SND1: variants seen among roughly 807,000 people sequenced by gnomAD.
SND1 encodes the protein staphylococcal nuclease domain-containing protein 1.
SND1 carries 38 observed loss-of-function variants against 121.7 expected under a neutral mutation model. The observed-to-expected ratio is 0.31, with a 90% CI of 0.24 to 0.41. The LOEUF (loss-of-function observed/expected upper bound fraction) is 0.41, where lower values mean the gene tolerates loss of function less well. SND1 is among the 10% of genes least tolerant of loss of function. The pLI is 1.00. For synonymous variants in SND1, 401 were observed against 447.4 expected (o/e 0.90, Z 1.31); for missense variants, 868 against 1,184.6 (o/e 0.73, Z 3.92).
intron 1 of SND1, among the ~76,000 whole-genome samples, chr7:127,663,075 C>T (rs1035217893): frequency 9.9e-5 from 15 of 151,320 alleles, no homozygotes; most frequent in African/African-American, 2.4e-4. Context: ...TTTGTGGAGA[C>T]GGGGTCTCCC....
At chr7:128,082,825 C>T (rs189219780) in intron 18 of SND1, among the ~76,000 whole-genome samples, 393 of 152,304 alleles carry the variant, frequency 2.6e-3, no homozygotes, top group Non-Finnish European at 4.3e-3. Context: ...CACTCCCAGG[C>T]AGGCTCTACT....
intron 13 of SND1, among the ~76,000 whole-genome samples, chr7:127,894,398 G>A (rs1410240084): frequency 2.7e-5 from 4 of 149,734 alleles, no homozygotes; most frequent in Admixed American, 6.6e-5. Context: ...AAAAAAAAAA[G>A]AAGAAAGAAA....
At chr7:127,795,294 C>T (rs1797994700) in intron 10 of SND1, among the ~76,000 whole-genome samples, 1 of 152,176 alleles carries the variant, frequency 6.6e-6, no homozygotes, top group African/African-American at 2.4e-5. Flanking sequence ...AAAGGAAGAG[C>T]TCTATGATCT....
chr7:127,902,156 C>T (rs1800245760), intron 13 of SND1, among the ~76,000 whole-genome samples: 1 of 152,210 alleles, frequency 6.6e-6, no homozygotes, highest in African/African-American at 2.4e-5. Context: ...TAACTTACTG[C>T]TCAGGCCCTG....
At chr7:127,798,901 C>T (rs751471258) in intron 10 of SND1, among the ~76,000 whole-genome samples, 8 of 152,156 alleles carry the variant, frequency 5.3e-5, no homozygotes, top group Middle Eastern at 3.4e-3. Flanking sequence ...AAATAATTAG[C>T]TGGGTGTGGT....
chr7:128,049,142 C>G (rs1202406504), intron 16 of SND1, among the ~76,000 whole-genome samples: 1 of 152,190 alleles, frequency 6.6e-6, no homozygotes, highest in African/African-American at 2.4e-5. Flanking sequence ...CTTACTGGAG[C>G]AAAACCAGCA....
chr7:127,692,497 A>G (rs1197457325), intron 2 of SND1: 4 of 152,272 alleles, frequency 2.6e-5, no homozygotes, highest in African/African-American at 9.6e-5. Context: ...AGACTTCTCC[A>G]TCAGATAGTC....
intron 1 of SND1, among the ~76,000 whole-genome samples, chr7:127,680,110 C>T (rs1371946097): frequency 6.6e-6 from 1 of 152,122 alleles, no homozygotes; most frequent in Non-Finnish European, 1.5e-5. Flanking sequence ...GTGATGCCCC[C>T]TGAGCCGTAA....
chr7:127,652,407 G>C lies in SND1; in HGVS notation c.34G>C (p.Gly12Arg), dbSNP rs767795647. 6.9e-6 allele frequency: 11 copies of C among 1,595,742 alleles called. No individual in the cohort carries two copies. Among genetic ancestry groups the C allele is most frequent in the Non-Finnish European group, 9.4e-6 (11 of 1,171,988 alleles). Residue 12 changes from glycine to arginine, a missense_variant, in exon 1 of 24, where the codon GGG becomes CGG. Gly to Arg is a moderately radical substitution (Grantham distance 125). Transcript: ENST00000354725. ...CTCCGCGCAGAGCGGCGGCTCCTCC[G>C]GGGGACCCGCGGTCCCCACCGTGCA... is the stretch of plus-strand genomic sequence containing the variant. ...ASSAQSGGSSGGPAVPTVQRG... is the reference protein window; with the variant it reads ...ASSAQSGGSSRGPAVPTVQRG...
intron 16 of SND1, 69 bp from the exon 17 acceptor site, chr7:128,074,432 TC>T: frequency 6.8e-7 from 1 of 1,480,926 alleles, no homozygotes. Flanking sequence ...GCTGCTGTCC[TC>T]CCCACGGGCA....
intron 12 of SND1, among the ~76,000 whole-genome samples, chr7:127,881,805 A>C (rs546811024): frequency 2.5e-4 from 38 of 152,100 alleles, no homozygotes; most frequent in African/African-American, 8.7e-4. Context: ...GTGATGTGAC[A>C]CTCTGTCACC....
intron 12 of SND1, among the ~76,000 whole-genome samples, chr7:127,848,891 C>T (rs1799115721): frequency 6.6e-6 from 1 of 152,170 alleles, no homozygotes; most frequent in African/African-American, 2.4e-5. Context: ...AGGATGCTGG[C>T]AGGGCCTTGC....
intron 11 of SND1, among the ~76,000 whole-genome samples, chr7:127,833,542 G>A (rs1798804098): frequency 6.6e-6 from 1 of 152,000 alleles, no homozygotes; most frequent in Admixed American, 6.5e-5. Flanking sequence ...TGGGATTACA[G>A]GCATGAGCCA....
At chr7:127,774,146 C>T (rs747767106) in intron 10 of SND1, among the ~76,000 whole-genome samples, 3 of 152,056 alleles carry the variant, frequency 2.0e-5, no homozygotes, top group Non-Finnish European at 4.4e-5. Context: ...CATTGTTATC[C>T]GAGGAGATGA....
chr7:127,716,375 T>A (rs1796389941), intron 9 of SND1, among the ~76,000 whole-genome samples: 1 of 152,246 alleles, frequency 6.6e-6, no homozygotes, highest in Admixed American at 6.5e-5. Context: ...TGTCTCTAAT[T>A]TCTTTCAACA....
chr7:127,831,553 C>T (rs993449258), intron 11 of SND1, among the ~76,000 whole-genome samples: 2 of 152,174 alleles, frequency 1.3e-5, no homozygotes, highest in Admixed American at 1.3e-4. Flanking sequence ...CAGTACACCA[C>T]TGGGCACCCA....
rs75285111 is a variant in SND1, at chr7:127,792,984, C to T, written c.1153-14500C>T. Among the ~76,000 whole-genome samples, 671 of 152,348 alleles carry T rather than the reference C, an allele frequency of 4.4e-3. 7 individuals are homozygous for T. Among genetic ancestry groups the T allele is most frequent in the African/African-American group, 0.015 (641 of 41,572 alleles). ...GGTGGCAAGGCAGAAATGGGGTTTGCAGGTTCCCTGCCCCAGCATCACCAA... is the reference window on the plus strand; with the variant it reads ...GGTGGCAAGGCAGAAATGGGGTTTGTAGGTTCCCTGCCCCAGCATCACCAA... On this transcript the variant is annotated intron_variant, in intron 10 of 23. Coordinates refer to ENST00000354725, the MANE Select transcript of SND1 (RefSeq NM_014390.4).
At chr7:127,830,109 G>A (rs978073809) in intron 11 of SND1, among the ~76,000 whole-genome samples, 1 of 152,196 alleles carries the variant, frequency 6.6e-6, no homozygotes, top group Admixed American at 6.5e-5. Context: ...GTGGCCGGGT[G>A]CGGTGGCTCA....
chr7:127,928,350 G>GA (rs1800890516), intron 14 of SND1, among the ~76,000 whole-genome samples: 1 of 152,084 alleles, frequency 6.6e-6, no homozygotes, highest in South Asian at 2.1e-4. Context: ...AATGAACATA[G>GA]AGCAGGAGTT....
Sources: allele counts gnomAD v4.1 joint callset (sites outside exome capture counted in the v4.1 genomes callset), GRCh38; gene constraint gnomAD v4.1.1; transcripts MANE v1.5; gene names NCBI Gene and HGNC (gene_info 2026-07-23, HGNC 2026-07-21).